Variants in RABGEF1 observed in about 807,000 individuals in gnomAD.
The protein encoded by RABGEF1 is rab5 GDP/GTP exchange factor.
A neutral mutation model predicts 57.3 loss-of-function variants in RABGEF1; 26 were observed. The ratio of observed to expected loss-of-function variants is 0.45; its 90% CI spans 0.33 to 0.63. The LOEUF is 0.63. RABGEF1 is among the 20% of genes least tolerant of loss of function. The pLI is 0.02. For missense variants in RABGEF1, 464 were observed against 607.6 expected, an observed-to-expected ratio of 0.76 and a Z score of 2.48; for synonymous variants, 185 against 210.7, an observed-to-expected ratio of 0.88 and a Z score of 1.06.
chr7:66,775,529 G>A, intron 3 of RABGEF1, 136 bp downstream of exon 3: 1 of 1,017,876 alleles, frequency 9.8e-7, no homozygotes, highest in Non-Finnish European at 1.4e-6. Context: ...CTGAAATTGG[G>A]CTTGAGGGTC....
rs771153425 is a variant in RABGEF1 at position 66,809,273 on chromosome 7, T to C, written c.1465T>C (p.Tyr489His). Reference sequence around the variant, plus strand: ...TCCTCCACCACTGCAACCTCAAGTTTATGCAGGATGATCACAATTTAGTGG... The same window carrying C: ...TCCTCCACCACTGCAACCTCAAGTTCATGCAGGATGATCACAATTTAGTGG... ...KLPPPLQPQV[Y>H]AG The change falls in exon 9 of 9, where the codon TAT becomes CAT. Residue 489 changes from tyrosine to histidine, a missense_variant. By Grantham distance (83) the Tyr-to-His change is moderately conservative. Coordinates refer to ENST00000284957, the MANE Select transcript of RABGEF1 (RefSeq NM_014504.3). 2 of 1,607,242 alleles carry C rather than the reference T, an allele frequency of 1.2e-6. No homozygotes were observed. Among genetic ancestry groups the C allele is most frequent in the Admixed American group, 3.4e-5 (2 of 59,420 alleles).
At chr7:66,746,818 G>A (rs1214577271) in intron 1 of RABGEF1, among the ~76,000 whole-genome samples, 1 of 149,820 alleles carries the variant, frequency 6.7e-6, no homozygotes, top group African/African-American at 2.5e-5. Context: ...GTGAGACTGA[G>A]TTTCAGCCTT....
intron 1 of RABGEF1, among the ~76,000 whole-genome samples, chr7:66,741,624 C>T (rs968094311): frequency 6.6e-6 from 1 of 152,178 alleles, no homozygotes; most frequent in Non-Finnish European, 1.5e-5. Flanking sequence ...GACGAGTTTA[C>T]CGGAGCACCT....
intron 1 of RABGEF1, among the ~76,000 whole-genome samples, chr7:66,771,562 T>C (rs948682204): frequency 6.6e-6 from 1 of 152,208 alleles, no homozygotes; most frequent in Non-Finnish European, 1.5e-5. Context: ...TCCCCTAAGT[T>C]TTTTTTCTAG....
At chr7:66,699,116 C>T (rs1423437459) in intron 1 of RABGEF1, among the ~76,000 whole-genome samples, 6 of 152,122 alleles carry the variant, frequency 3.9e-5, no homozygotes, top group African/African-American at 1.2e-4. Flanking sequence ...TGTGGGGAGG[C>T]GAATTCCAGG....
At chr7:66,754,614 C>G (rs1401821417) in intron 1 of RABGEF1, among the ~76,000 whole-genome samples, 1 of 151,894 alleles carries the variant, frequency 6.6e-6, no homozygotes, top group Non-Finnish European at 1.5e-5. Context: ...ATTGGCCAGT[C>G]CAGCTCAGCT....
intron 1 of RABGEF1, among the ~76,000 whole-genome samples, chr7:66,768,562 C>T (rs1188140169): frequency 6.6e-6 from 1 of 152,178 alleles, no homozygotes; most frequent in East Asian, 1.9e-4. Context: ...ATTTGGGATG[C>T]AGGTTCTGTG....
chr7:66,719,320 G>C (rs561727329), intron 2 of RABGEF1, among the ~76,000 whole-genome samples: 33 of 152,166 alleles, frequency 2.2e-4, no homozygotes, highest in African/African-American at 7.0e-4. Flanking sequence ...TACCATCTTA[G>C]CCTCCTGAGT....
chr7:66,741,678 A>G (rs1192110521), intron 1 of RABGEF1, among the ~76,000 whole-genome samples: 1 of 152,070 alleles, frequency 6.6e-6, no homozygotes, highest in East Asian at 1.9e-4. Context: ...CCCCCCTCTA[A>G]ACCTAGAACT....
intron 3 of RABGEF1, among the ~76,000 whole-genome samples, chr7:66,780,082 G>C (rs1363016500): frequency 6.6e-6 from 1 of 152,188 alleles, no homozygotes; most frequent in African/African-American, 2.4e-5. Flanking sequence ...CTTTGGAAAA[G>C]TATGTGTGGG....
intron 1 of RABGEF1, among the ~76,000 whole-genome samples, chr7:66,682,457 C>G (rs972288085): frequency 6.6e-6 from 1 of 152,262 alleles, no homozygotes; most frequent in Non-Finnish European, 1.5e-5. Flanking sequence ...TTAATCCTCA[C>G]AGTGCGCGGC....
intron 1 of RABGEF1, among the ~76,000 whole-genome samples, chr7:66,690,450 C>A (rs930602601): frequency 6.7e-6 from 1 of 150,178 alleles, no homozygotes; most frequent in Non-Finnish European, 1.5e-5. Context: ...CACAGTGGCT[C>A]ATGCTGGTAA....
chr7:66,809,370 T>A lies in RABGEF1; in HGVS notation c.*86T>A. The A allele has an allele frequency of 7.3e-7, 1 of 1,368,946 alleles. No homozygotes were observed. Among genetic ancestry groups the A allele is most frequent in the Non-Finnish European group, 9.6e-7 (1 of 1,037,082 alleles). The allele number at this position is 1,368,946 out of a possible 1,614,324, so 84.8% of individuals were successfully genotyped here. A position where few individuals can be genotyped will look rare whatever the true frequency, so the allele number is the denominator to read the frequency against. On this transcript the variant is annotated 3_prime_UTR_variant, in exon 9 of 9. Coordinates refer to ENST00000284957, the MANE Select transcript of RABGEF1 (RefSeq NM_014504.3). ...AACTGATTGGGATCTAGAATGTAAC[T>A]AAATTGCTTATAAATGTCAGCATTT...
the RABGEF1 span, among the ~76,000 whole-genome samples, chr7:66,664,779 T>G: frequency 6.6e-6 from 1 of 152,198 alleles, no homozygotes; most frequent in East Asian, 1.9e-4. Flanking sequence ...CTTAAGTAGC[T>G]TCCTGTCAGG....
At chr7:66,664,531 G>T in the RABGEF1 span, among the ~76,000 whole-genome samples, 1 of 152,022 alleles carries the variant, frequency 6.6e-6, no homozygotes, top group Non-Finnish European at 1.5e-5. Flanking sequence ...TTGAGCCCAG[G>T]AGGTTGAGGC....
At chr7:66,762,593 A>T (rs1263742314) in intron 1 of RABGEF1, among the ~76,000 whole-genome samples, 1 of 152,032 alleles carries the variant, frequency 6.6e-6, no homozygotes, top group Non-Finnish European at 1.5e-5. Flanking sequence ...TGTCTCAAGA[A>T]AAGAAAAGAA....
At chr7:66,710,312 C>T (rs150289789) in intron 1 of RABGEF1, among the ~76,000 whole-genome samples, 37 of 152,192 alleles carry the variant, frequency 2.4e-4, no homozygotes, top group Non-Finnish European at 4.1e-4. Flanking sequence ...TGTTTTTTAG[C>T]GTTTAGCTTT....
chr7:66,699,703 AC>A (rs1265937895), intron 1 of RABGEF1, among the ~76,000 whole-genome samples: 4 of 146,172 alleles, frequency 2.7e-5, no homozygotes, highest in Admixed American at 6.9e-5. Flanking sequence ...AAAAAAAAAA[AC>A]AAAACTGGTG....
chr7:66,715,865 T>A (rs936890210), intron 2 of RABGEF1, among the ~76,000 whole-genome samples: 1 of 152,186 alleles, frequency 6.6e-6, no homozygotes, highest in African/African-American at 2.4e-5. Flanking sequence ...GTGCTCCTTG[T>A]GCCTCCGCCT....
Sources: gnomAD v4.1 joint callset for allele counts (sites outside exome capture counted in the v4.1 genomes callset) on GRCh38, gnomAD v4.1.1 for gene constraint, MANE v1.5 for transcripts, NCBI Gene and HGNC (gene_info 2026-07-23, HGNC 2026-07-21) for gene names.